The following DIS3L2 variants were observed in gnomAD, a reference collection of about 807,000 sequenced individuals.
DIS3L2 encodes the protein DIS3-like exonuclease 2.
In DIS3L2, 34 loss-of-function variants were observed where a neutral mutation model predicts 97.5. The ratio of observed to expected loss-of-function variants is 0.35; its 90% CI spans 0.27 to 0.46. The LOEUF (loss-of-function observed/expected upper bound fraction) is 0.46. Ranked by LOEUF, DIS3L2 falls within the 20% of genes least tolerant of loss-of-function variation. The probability of loss-of-function intolerance (pLI) is 1.00; values close to 1 mark genes in which losing one functional copy is unlikely to be tolerated. For synonymous variants in DIS3L2, 435 were observed against 445.2 expected (o/e 0.98, Z 0.29); for missense variants, 1,038 against 1,146.0 (o/e 0.91, Z 1.36).
At chr2:232,125,665 T>C (rs1361908996) in intron 6 of DIS3L2, among the ~76,000 whole-genome samples, 2 of 152,206 alleles carry the variant, frequency 1.3e-5, no homozygotes, top group South Asian at 2.1e-4. Context: ...TGAAATTTGC[T>C]TAGGCCTAGG....
At chr2:232,114,143 T>TA (rs1697627233) in intron 6 of DIS3L2, among the ~76,000 whole-genome samples, 1 of 152,142 alleles carries the variant, frequency 6.6e-6, no homozygotes, top group Non-Finnish European at 1.5e-5. Context: ...AAATTATCCT[T>TA]AAAATCTCTG....
chr2:232,330,769 C>G lies in DIS3L2; in HGVS notation c.2003C>G (p.Pro668Arg). Reference sequence around the variant, plus strand: ...GTGCTCACCAACATGTGCTCCCGGCCCATGCAGGTAAGGAGGGCCCAGCCC... The same window carrying G: ...GTGCTCACCAACATGTGCTCCCGGCGCATGCAGGTAAGGAGGGCCCAGCCC... ...KEVLTNMCSR[P>R]MQMALYFCSG... The change falls in exon 16 of 21, where the codon CCC becomes CGC. Residue 668 changes from proline to arginine, a missense_variant. By Grantham distance (103) the Pro-to-Arg change is moderately radical (BLOSUM62 -2). This residue lies in a region of DIS3L2 where 813 missense variants were observed against 880.1 expected (regional missense o/e 0.92). Transcript: ENST00000325385. 6.2e-7 allele frequency: 1 copy of G among 1,611,296 alleles called. No homozygotes were observed. Among genetic ancestry groups the G allele is most frequent in the Non-Finnish European group, 8.5e-7 (1 of 1,179,986 alleles).
At chr2:232,142,735 GA>G (rs991968674) in intron 8 of DIS3L2, among the ~76,000 whole-genome samples, 28 of 152,248 alleles carry the variant, frequency 1.8e-4, no homozygotes, top group African/African-American at 6.5e-4. Flanking sequence ...CATAAGAAGC[GA>G]AAATAACTCG....
intron 15 of DIS3L2, 24 bp downstream of exon 15, chr2:232,330,020 G>C: frequency 6.3e-7 from 1 of 1,587,520 alleles, no homozygotes; most frequent in Non-Finnish European, 8.6e-7. Flanking sequence ...AGGATTCGGG[G>C]GAGGCCCTGC....
At chr2:232,128,508 G>A (rs953049775) in intron 6 of DIS3L2, among the ~76,000 whole-genome samples, 2 of 126,460 alleles carry the variant, frequency 1.6e-5, no homozygotes, top group Non-Finnish European at 1.6e-5. Context: ...AGGCTGGAGT[G>A]CAGTGGTGCA....
chr2:232,155,125 C>T (rs1482825982), intron 8 of DIS3L2, among the ~76,000 whole-genome samples: 1 of 150,970 alleles, frequency 6.6e-6, no homozygotes, highest in Non-Finnish European at 1.5e-5. Flanking sequence ...TGAGATGAAC[C>T]CGGTACCTCA....
chr2:232,311,719 A>G (rs756996807), intron 14 of DIS3L2, among the ~76,000 whole-genome samples: 2 of 152,112 alleles, frequency 1.3e-5, no homozygotes, highest in Non-Finnish European at 2.9e-5. Flanking sequence ...ATTATTTACT[A>G]TATTCTCTTT....
At chr2:231,988,497 G>C (rs547865326) in intron 1 of DIS3L2, among the ~76,000 whole-genome samples, 1 of 152,334 alleles carries the variant, frequency 6.6e-6, no homozygotes, top group South Asian at 2.1e-4. Context: ...TCATTTTACT[G>C]TTTAGAATTT....
At chr2:232,117,952 T>C (rs1697777512) in intron 6 of DIS3L2, among the ~76,000 whole-genome samples, 1 of 152,234 alleles carries the variant, frequency 6.6e-6, no homozygotes, top group Admixed American at 6.5e-5. Flanking sequence ...AGGGCCCTTC[T>C]GGGTCCCCTA....
intron 13 of DIS3L2, among the ~76,000 whole-genome samples, chr2:232,277,704 C>T (rs1284329394): frequency 6.6e-6 from 1 of 152,112 alleles, no homozygotes; most frequent in Non-Finnish European, 1.5e-5. Flanking sequence ...TGCTTAATGA[C>T]AGGGACACAT....
intron 2 of DIS3L2, 147 bp downstream of exon 2, chr2:232,015,126 G>A (rs898595971): frequency 1.3e-6 from 1 of 784,820 alleles, no homozygotes; most frequent in African/African-American, 1.8e-5. Flanking sequence ...ATTTATTCTA[G>A]AATTAGATGT....
At chr2:232,068,151 G>A (rs1219830275) in intron 5 of DIS3L2, among the ~76,000 whole-genome samples, 3 of 152,184 alleles carry the variant, frequency 2.0e-5, no homozygotes, top group African/African-American at 7.2e-5. Flanking sequence ...ATAGACATAA[G>A]TAGATTTTTA....
chr2:232,110,846 C>G (rs1697505764), intron 6 of DIS3L2, among the ~76,000 whole-genome samples: 1 of 151,752 alleles, frequency 6.6e-6, no homozygotes, highest in Non-Finnish European at 1.5e-5. Context: ...TGTAATGAAT[C>G]TGCACATCCT....
At chr2:231,988,041 C>G (rs1185892635) in intron 1 of DIS3L2, among the ~76,000 whole-genome samples, 23 of 152,078 alleles carry the variant, frequency 1.5e-4, no homozygotes, top group Non-Finnish European at 1.5e-5. Context: ...CAGGGTTTGT[C>G]CATTTTGGCC....
intron 14 of DIS3L2, among the ~76,000 whole-genome samples, chr2:232,302,908 GATTA>G (rs1045729549): frequency 5.9e-5 from 9 of 152,002 alleles, no homozygotes; most frequent in Non-Finnish European, 2.9e-5. Context: ...TTAATAGTAG[GATTA>G]ATTATTAATT....
intron 13 of DIS3L2, among the ~76,000 whole-genome samples, chr2:232,291,123 A>T (rs1694586597): frequency 1.3e-5 from 2 of 152,242 alleles, no homozygotes; most frequent in South Asian, 2.1e-4. Context: ...AAAAGACTTC[A>T]GTGGACTTAG....
At chr2:232,070,226 A>G in intron 5 of DIS3L2, among the ~76,000 whole-genome samples, 1 of 152,206 alleles carries the variant, frequency 6.6e-6, no homozygotes, top group Non-Finnish European at 1.5e-5. Context: ...AGATCGTGCC[A>G]CTGCACGCCA....
intron 9 of DIS3L2, among the ~76,000 whole-genome samples, chr2:232,165,571 C>A (rs552029122): frequency 6.6e-6 from 1 of 152,184 alleles, no homozygotes; most frequent in African/African-American, 2.4e-5. Context: ...GTTGCCCAGG[C>A]GGGAGTGCAG....
rs79941146 is a variant in DIS3L2 at position 232,139,773 on chromosome 2, G to A, written c.950+3054G>A. Among the ~76,000 whole-genome samples the A allele has an allele frequency of 3.0e-3, 455 of 152,246 alleles. 1 individual carries two copies. Among genetic ancestry groups the A allele is most frequent in the Non-Finnish European group, 4.5e-3 (307 of 68,010 alleles). The stretch of plus-strand genomic sequence containing the variant: ...TGAGAGTAAAGAATAGATGAGAAGG[G>A]ACATGCCTAGTAGCAGGAGGTCATA... On this transcript the variant is annotated intron_variant, in intron 8 of 20. Coordinates refer to ENST00000325385, the MANE Select transcript of DIS3L2 (RefSeq NM_152383.5).
Sources: allele counts gnomAD v4.1 joint callset (sites outside exome capture counted in the v4.1 genomes callset), GRCh38; gene constraint gnomAD v4.1.1; regional missense constraint gnomAD v4.1.1; transcripts MANE v1.5; gene names NCBI Gene and HGNC (gene_info 2026-07-23, HGNC 2026-07-21).